The following PRPH2 variants were observed in gnomAD, a reference collection of about 807,000 sequenced individuals.
PRPH2 encodes peripherin-2.
In PRPH2, 17 loss-of-function variants were observed where a neutral mutation model predicts 31.3. That is an observed-to-expected ratio of 0.54 (90% confidence interval 0.37 to 0.81). The LOEUF (loss-of-function observed/expected upper bound fraction) is 0.81, where lower values mean the gene tolerates loss of function less well. PRPH2 is among the 40% of genes least tolerant of loss of function. The probability of loss-of-function intolerance (pLI) is 0.00; values close to 1 mark genes in which losing one functional copy is unlikely to be tolerated. For synonymous variants in PRPH2, 165 were observed against 184.4 expected (o/e 0.89, Z 0.85); for missense variants, 430 against 439.7 (o/e 0.98, Z 0.20).
At chr6:42,716,962 CTTTTTTTT>C (rs1161769235) in intron 1 of PRPH2, among the ~76,000 whole-genome samples, 3 of 45,188 alleles carry the variant, frequency 6.6e-5, no homozygotes, top group Admixed American at 3.6e-4. Flanking sequence ...TCTTTCTTTT[CTTTTTTTT>C]TTTTTTTTTT....
At position 42,721,642 on chromosome 6, in the gene PRPH2, C is replaced by T. The variant is rs1761902323; in HGVS notation, c.581+112G>A. On this transcript the variant is annotated intron_variant, in intron 1 of 2. Coordinates refer to ENST00000230381, the MANE Select transcript of PRPH2 (RefSeq NM_000322.5). ...CACATACGCAGCAATAAGTTGTGCA[C>T]CCGATGGAGAGGAAAAGGCACTGGG... is the stretch of plus-strand genomic sequence containing the variant. The T allele has an allele frequency of 4.8e-6, 6 of 1,252,306 alleles. 1 individual carries two copies. In the South Asian group the frequency reaches 7.2e-5, roughly 15 times the overall value. 77.6% of individuals were successfully genotyped at this position (1,252,306 alleles called of 1,614,324 possible). A position where few individuals can be genotyped will look rare whatever the true frequency, so the allele number is the denominator to read the frequency against.
intron 1 of PRPH2, among the ~76,000 whole-genome samples, chr6:42,712,625 C>T (rs900831201): frequency 1.3e-5 from 2 of 151,912 alleles, no homozygotes; most frequent in African/African-American, 2.4e-5. Flanking sequence ...CCATGTTGGC[C>T]AGGCTGGTCT....
intron 1 of PRPH2, among the ~76,000 whole-genome samples, chr6:42,718,821 G>A (rs1268675567): frequency 4.0e-5 from 6 of 151,760 alleles, no homozygotes; most frequent in Non-Finnish European, 8.8e-5. Flanking sequence ...CCTGGCTAAT[G>A]TTTTTATGTT....
At chr6:42,719,367 G>A (rs962601583) in intron 1 of PRPH2, among the ~76,000 whole-genome samples, 2 of 151,720 alleles carry the variant, frequency 1.3e-5, no homozygotes, top group African/African-American at 2.4e-5. Context: ...GTAGAGATGA[G>A]GTTTCACTAT....
At chr6:42,713,004 C>T in intron 1 of PRPH2, among the ~76,000 whole-genome samples, 1 of 151,870 alleles carries the variant, frequency 6.6e-6, no homozygotes, top group Admixed American at 6.6e-5. Flanking sequence ...GTGGGTGGAT[C>T]ACCTGAGGTC....
At chr6:42,709,334 TAAAAAA>T (rs58632063) in intron 1 of PRPH2, among the ~76,000 whole-genome samples, 33 of 77,048 alleles carry the variant, frequency 4.3e-4, no homozygotes, top group Non-Finnish European at 7.4e-4. Flanking sequence ...TGTCTCAAAT[TAAAAAA>T]AAAAAAAAAA....
intron 2 of PRPH2, among the ~76,000 whole-genome samples, chr6:42,700,526 T>C (rs1342746923): frequency 1.3e-5 from 2 of 152,198 alleles, no homozygotes; most frequent in Admixed American, 1.3e-4. Context: ...TGGCAGTAGA[T>C]AATAATAACT....
At chr6:42,708,292 C>T (rs754334826) in intron 1 of PRPH2, among the ~76,000 whole-genome samples, 3 of 152,242 alleles carry the variant, frequency 2.0e-5, no homozygotes, top group Admixed American at 6.5e-5. Flanking sequence ...GGGCCTGACA[C>T]GGAGCACCTG....
Position 42,697,625 on chromosome 6 carries a change from A to C in PRPH2, c.*670T>G, listed in dbSNP as rs1799969968. ...ACCGAGGGCATGTGAATGGGACACA[A>C]AAGCAGGCCTTTCACTGTGTTTTTG... On this transcript the variant is annotated 3_prime_UTR_variant, in exon 3 of 3. Coordinates refer to ENST00000230381, the MANE Select transcript of PRPH2 (RefSeq NM_000322.5). 6.6e-6 allele frequency: 1 copy of C among 152,482 alleles called. No homozygotes were observed. Among genetic ancestry groups the C allele is most frequent in the Non-Finnish European group, 1.5e-5 (1 of 68,318 alleles). 9.4% of individuals were successfully genotyped at this position (152,482 alleles called of 1,614,324 possible). A position where few individuals can be genotyped will look rare whatever the true frequency, so the allele number is the denominator to read the frequency against.
intron 2 of PRPH2, among the ~76,000 whole-genome samples, chr6:42,700,330 T>C (rs1019032128): frequency 9.9e-5 from 15 of 152,180 alleles, no homozygotes; most frequent in Admixed American, 6.5e-5. Flanking sequence ...AATTCCCGGC[T>C]TGCTCTCCTC....
At chr6:42,705,574 TAAAAAA>T (rs1186158334) in intron 1 of PRPH2, among the ~76,000 whole-genome samples, 2 of 22,278 alleles carry the variant, frequency 9.0e-5, no homozygotes, top group African/African-American at 1.6e-4. Context: ...AGACTTTCTC[TAAAAAA>T]AAAAAAAAAA....
At chr6:42,706,933 GTC>G (rs1338304446) in intron 1 of PRPH2, among the ~76,000 whole-genome samples, 1 of 148,632 alleles carries the variant, frequency 6.7e-6, no homozygotes, top group East Asian at 1.9e-4. Context: ...TATACATACT[GTC>G]TTGAACCTTT....
intron 2 of PRPH2, among the ~76,000 whole-genome samples, chr6:42,703,541 C>T (rs889056020): frequency 6.6e-5 from 10 of 152,184 alleles, no homozygotes; most frequent in African/African-American, 2.2e-4. Flanking sequence ...AAAGTGGGGA[C>T]ACAGGATGAA....
rs1006890554 is a variant in PRPH2, at chr6:42,698,079, A to G, written c.*216T>C. 4.9e-5 allele frequency: 31 copies of G among 632,064 alleles called. No individual in the cohort carries two copies. Among genetic ancestry groups the G allele is most frequent in the Non-Finnish European group, 4.6e-5 (17 of 371,810 alleles). 39.2% of individuals were successfully genotyped at this position (632,064 alleles called of 1,614,324 possible). A position where few individuals can be genotyped will look rare whatever the true frequency, so the allele number is the denominator to read the frequency against. On this transcript the variant is annotated 3_prime_UTR_variant, in exon 3 of 3. Coordinates refer to ENST00000230381, the MANE Select transcript of PRPH2 (RefSeq NM_000322.5). The stretch of plus-strand genomic sequence containing the variant: ...CCTGAAGGGAGCTTCACTCACATTC[A>G]CATTAGCTTCATTCACATTTTGGGT...
intron 1 of PRPH2, among the ~76,000 whole-genome samples, chr6:42,711,467 C>T (rs991534278): frequency 2.0e-5 from 3 of 151,808 alleles, no homozygotes; most frequent in Admixed American, 1.3e-4. Context: ...GCCCTGTCCT[C>T]AGGGAGCCCC....
At chr6:42,710,964 G>C (rs777381279) in intron 1 of PRPH2, among the ~76,000 whole-genome samples, 1 of 152,198 alleles carries the variant, frequency 6.6e-6, no homozygotes, top group Non-Finnish European at 1.5e-5. Flanking sequence ...CTCGACAGGG[G>C]ATGGTGGAAA....
At chr6:42,705,934 G>A (rs1374624456) in intron 1 of PRPH2, among the ~76,000 whole-genome samples, 10 of 143,418 alleles carry the variant, frequency 7.0e-5, no homozygotes, top group African/African-American at 2.6e-4. Flanking sequence ...ACTCCAGCCC[G>A]TACGATACAG....
intron 1 of PRPH2, among the ~76,000 whole-genome samples, chr6:42,715,296 T>C (rs1761755588): frequency 6.6e-6 from 1 of 152,086 alleles, no homozygotes; most frequent in Non-Finnish European, 1.5e-5. Context: ...TGTGGGTCAT[T>C]TCCCCCTCCC....
intron 2 of PRPH2, among the ~76,000 whole-genome samples, chr6:42,701,087 C>T (rs1400616119): frequency 6.6e-6 from 1 of 151,602 alleles, no homozygotes; most frequent in Non-Finnish European, 1.5e-5. Flanking sequence ...GGTGATCCTC[C>T]TGCCTGAGCC....
Sources: allele counts gnomAD v4.1 joint callset (sites outside exome capture counted in the v4.1 genomes callset), GRCh38; gene constraint gnomAD v4.1.1; transcripts MANE v1.5; gene names NCBI Gene and HGNC (gene_info 2026-07-23, HGNC 2026-07-21).